Variants in NHERF1 observed in about 807,000 individuals in gnomAD.
The protein encoded by NHERF1 is NHERF family PDZ scaffold protein 1.
the NHERF1 span, among the ~76,000 whole-genome samples, chr17:74,753,647 G>A: frequency 6.6e-6 from 1 of 151,904 alleles, no homozygotes; most frequent in Non-Finnish European, 1.5e-5. Flanking sequence ...CCATCACTTC[G>A]GGAGGCTGAG....
chr17:74,750,385 T>C, the NHERF1 span, among the ~76,000 whole-genome samples: 1 of 152,112 alleles, frequency 6.6e-6, no homozygotes, highest in Non-Finnish European at 1.5e-5. Context: ...TGGCAGTGTC[T>C]GATGGGAGTG....
chr17:74,763,472 G>C, the NHERF1 span: 13 of 1,611,814 alleles, frequency 8.1e-6, no homozygotes, highest in Non-Finnish European at 1.1e-5. Context: ...GGAAACTGAC[G>C]AGTTCTTCAA....
chr17:74,756,272 TC>T, the NHERF1 span, among the ~76,000 whole-genome samples: 148 of 116,570 alleles, frequency 1.3e-3, 2 homozygotes, highest in African/African-American at 4.4e-3. Context: ...TTTCTTTCTT[TC>T]TTTTTTTTTT....
At chr17:74,767,848 T>A in the NHERF1 span, 1 of 450,794 alleles carries the variant, frequency 2.2e-6, no homozygotes, top group South Asian at 1.9e-5. Flanking sequence ...GGCAAGCCAG[T>A]ACCTAAAAGC....
chr17:74,749,404 C>G, the NHERF1 span: 1 of 1,029,700 alleles, frequency 9.7e-7, no homozygotes, highest in South Asian at 1.7e-5. The surrounding 1 kb of genome is among the most constrained non-coding windows in gnomAD (Gnocchi z 5.6). Context: ...ACTCGAGCTG[C>G]GAGGGGGAGA....
the NHERF1 span, among the ~76,000 whole-genome samples, chr17:74,753,155 G>T: frequency 6.6e-6 from 1 of 152,176 alleles, no homozygotes; most frequent in South Asian, 2.1e-4. Flanking sequence ...GGGATCCTGG[G>T]AGTTCATTTT....
the NHERF1 span, among the ~76,000 whole-genome samples, chr17:74,758,397 G>A: frequency 2.0e-5 from 3 of 152,190 alleles, no homozygotes; most frequent in African/African-American, 4.8e-5. This position sits in a 1 kb window ranked among gnomAD's most constrained non-coding sequence, Gnocchi z 4.3. Context: ...TGGAAAGCCA[G>A]CCAGCATTTT....
chr17:74,768,290 GC>G, the NHERF1 span: 1 of 1,444,066 alleles, frequency 6.9e-7, no homozygotes. Context: ...CGATTCCCAG[GC>G]CCCACTTGTT....
chr17:74,749,684 C>T, the NHERF1 span, among the ~76,000 whole-genome samples: 1 of 152,160 alleles, frequency 6.6e-6, no homozygotes, highest in South Asian at 2.1e-4. This position sits in a 1 kb window ranked among gnomAD's most constrained non-coding sequence, Gnocchi z 5.6. Context: ...GCAGATGGGC[C>T]GGGGAGAAAG....
chr17:74,764,158 TG>T, the NHERF1 span, among the ~76,000 whole-genome samples: 1 of 152,262 alleles, frequency 6.6e-6, no homozygotes, highest in Non-Finnish European at 1.5e-5. This position sits in a 1 kb window ranked among gnomAD's most constrained non-coding sequence, Gnocchi z 4.9. Context: ...CTCCTTGGTC[TG>T]GACTTTCTCC....
the NHERF1 span, among the ~76,000 whole-genome samples, chr17:74,757,791 C>G: frequency 2.0e-5 from 3 of 152,334 alleles, no homozygotes; most frequent in Admixed American, 6.5e-5. Flanking sequence ...CCCCCGCCGT[C>G]CTGCCCCCTT....
chr17:74,762,097 G>A, the NHERF1 span: 1 of 1,614,046 alleles, frequency 6.2e-7, no homozygotes, highest in African/African-American at 1.3e-5. This position sits in a 1 kb window ranked among gnomAD's most constrained non-coding sequence, Gnocchi z 4.2. Context: ...TCCAAGCCAG[G>A]CCAGTTCATC....
chr17:74,766,187 TTTTTG>T, the NHERF1 span, among the ~76,000 whole-genome samples: 79 of 152,066 alleles, frequency 5.2e-4, no homozygotes, highest in African/African-American at 1.5e-3. Flanking sequence ...TGGTTTGTTT[TTTTTG>T]TTTTGTTTTG....
At chr17:74,750,057 A>T in the NHERF1 span, among the ~76,000 whole-genome samples, 2 of 152,186 alleles carry the variant, frequency 1.3e-5, no homozygotes, top group African/African-American at 4.8e-5. Context: ...AAGAAGAAAA[A>T]GATGGCCATG....
the NHERF1 span, chr17:74,762,125 C>A: frequency 4.8e-4 from 778 of 1,614,180 alleles, 17 homozygotes; most frequent in South Asian, 8.0e-3. This position sits in a 1 kb window ranked among gnomAD's most constrained non-coding sequence, Gnocchi z 4.2. Context: ...TGGACCCAGA[C>A]TCCCCGGCTG....
chr17:74,763,448 C>T, the NHERF1 span: 7 of 1,613,872 alleles, frequency 4.3e-6, no homozygotes, highest in Admixed American at 1.0e-4. Flanking sequence ...GACCAAGCTG[C>T]TGGTGGTGGA....
At chr17:74,766,913 C>T in the NHERF1 span, 1 of 1,613,744 alleles carries the variant, frequency 6.2e-7, no homozygotes, top group Non-Finnish European at 8.5e-7. Context: ...TCTGGACTCA[C>T]CTCTGCTCTG....
At chr17:74,757,479 G>GCC in the NHERF1 span, among the ~76,000 whole-genome samples, 1 of 152,088 alleles carries the variant, frequency 6.6e-6, no homozygotes, top group East Asian at 1.9e-4. Context: ...TGACAGCCAA[G>GCC]CCCCCTGTAC....
At chr17:74,753,668 C>T in the NHERF1 span, among the ~76,000 whole-genome samples, 14 of 149,442 alleles carry the variant, frequency 9.4e-5, no homozygotes, top group South Asian at 2.8e-3. Context: ...GCGGGAGGAT[C>T]GCTTAAGCCC....
Sources: allele counts gnomAD v4.1 joint callset (sites outside exome capture counted in the v4.1 genomes callset), GRCh38; gene constraint gnomAD v4.1.1; non-coding constraint Gnocchi (gnomAD v3.1); transcripts MANE v1.5; gene names NCBI Gene and HGNC (gene_info 2026-07-23, HGNC 2026-07-21).